Variants in MAP2K6 observed in about 807,000 individuals in gnomAD.
The protein encoded by MAP2K6 is dual specificity mitogen-activated protein kinase kinase 6.
In MAP2K6, 16 loss-of-function variants were observed where a neutral mutation model predicts 53.7. The observed-to-expected ratio is 0.30, with a 90% CI of 0.20 to 0.45. MAP2K6 has a LOEUF of 0.45. Among genes scored for constraint, MAP2K6 ranks in the 20% least tolerant of loss-of-function variants. MAP2K6 has a pLI of 1.00. For missense variants in MAP2K6, 204 were observed against 411.9 expected, an observed-to-expected ratio of 0.50 and a Z score of 4.37; for synonymous variants, 132 against 143.1, an observed-to-expected ratio of 0.92 and a Z score of 0.55.
chr17:69,506,545 G>A (rs1234068320), intron 2 of MAP2K6, among the ~76,000 whole-genome samples: 2 of 152,060 alleles, frequency 1.3e-5, no homozygotes, highest in Non-Finnish European at 2.9e-5. Flanking sequence ...TCACAATAGA[G>A]GTGTTAGAGA....
intron 1 of MAP2K6, 118 bp downstream of exon 1, chr17:69,415,118 C>T (rs1179780892): frequency 3.3e-6 from 3 of 907,870 alleles, no homozygotes; most frequent in African/African-American, 1.7e-5. Flanking sequence ...TTCCACAGCT[C>T]AGTTGCATTT....
At chr17:69,465,876 C>T (rs904265943) in intron 1 of MAP2K6, among the ~76,000 whole-genome samples, 2 of 151,342 alleles carry the variant, frequency 1.3e-5, no homozygotes, top group African/African-American at 2.4e-5. Context: ...GCCTTGGCCT[C>T]CCAAAGTGCT....
At chr17:69,517,023 T>A in intron 3 of MAP2K6, 120 bp downstream of exon 3, 1 of 761,338 alleles carries the variant, frequency 1.3e-6, no homozygotes, top group Non-Finnish European at 2.2e-6. Context: ...AGTTTGCATT[T>A]AAAGGGAAGT....
rs1165141750 is a variant in MAP2K6, at chr17:69,536,147, A to T, written c.914A>T (p.Tyr305Phe). ...AAGAATTCCAAAGAACGGCCTACATACCCAGAGCTAATGGTGAGTATTGTT... is the reference window on the plus strand; with the variant it reads ...AAGAATTCCAAAGAACGGCCTACATTCCCAGAGCTAATGGTGAGTATTGTT... ...LKKNSKERPTYPELMQHPFFT... is the reference protein window; with the variant it reads ...LKKNSKERPTFPELMQHPFFT... Residue 305 changes from tyrosine (Y) to phenylalanine (F), a missense_variant, in exon 11 of 12, where the codon TAC (tyrosine) becomes TTC (phenylalanine). Tyr to Phe is a conservative substitution (Grantham distance 22). This residue lies in a region of MAP2K6 where 47 missense variants were observed against 62.3 expected (regional missense o/e 0.75). Transcript: ENST00000590474. 6.2e-7 allele frequency: 1 copy of T among 1,611,600 alleles called. No homozygotes were observed. The highest frequency in any genetic ancestry group is 8.5e-7 in the Non-Finnish European group (1 of 1,178,612).
chr17:69,485,414 G>T lies in MAP2K6; in HGVS notation c.17-20366G>T, dbSNP rs75164400. On this transcript the variant is annotated intron_variant, in intron 1 of 11. Coordinates refer to ENST00000590474, the MANE Select transcript of MAP2K6 (RefSeq NM_002758.4). ...TTCAGCCTTGCAGAGTTGTTTGCCT[G>T]TTTGAATTTTCTCTTATCTCTATGG... 1.1e-3 allele frequency: 1,007 copies of T among 946,312 alleles called. 6 individuals are homozygous for T. In the African/African-American group the frequency reaches 0.017, roughly 16 times the overall value. The allele number at this position is 946,312 out of a possible 1,614,324, so 58.6% of individuals were successfully genotyped here. A position where few individuals can be genotyped will look rare whatever the true frequency, so the allele number is the denominator to read the frequency against.
intron 1 of MAP2K6, among the ~76,000 whole-genome samples, chr17:69,496,834 A>G (rs1354490544): frequency 6.6e-6 from 1 of 151,878 alleles, no homozygotes; most frequent in African/African-American, 2.4e-5. Context: ...TACTTAATAC[A>G]TCTGACTTGG....
chr17:69,525,240 G>C (rs574429359), intron 9 of MAP2K6, among the ~76,000 whole-genome samples: 1 of 152,104 alleles, frequency 6.6e-6, no homozygotes, highest in African/African-American at 2.4e-5. Context: ...CAGTCACATG[G>C]ACTATCTTCC....
rs140400110 is a variant in MAP2K6, at chr17:69,426,869, A to G, written c.16+11869A>G. Among the ~76,000 whole-genome samples the G allele has an allele frequency of 2.6e-5, 4 of 152,282 alleles. No individual in the cohort carries two copies. The East Asian group carries it at 7.7e-4, about 29-fold the overall frequency. On this transcript the variant is annotated intron_variant, in intron 1 of 11. Transcript: ENST00000590474. Reference sequence around the variant, plus strand: ...TTAAGAGACCTTACTTGTGTTTTCTAAGAACTTCCTTTTTCTTACCAAGAT... The same window carrying G: ...TTAAGAGACCTTACTTGTGTTTTCTGAGAACTTCCTTTTTCTTACCAAGAT...
Position 69,550,684 on chromosome 17 carries a change from G to T in MAP2K6, c.*8931G>T, listed in dbSNP as rs1327447516. The T allele has an allele frequency of 6.6e-6, 1 of 152,162 alleles. No individual in the cohort carries two copies. The highest frequency in any genetic ancestry group is 2.4e-5 in the African/African-American group (1 of 41,424). 9.4% of individuals were successfully genotyped at this position (152,162 alleles called of 1,614,324 possible). A position where few individuals can be genotyped will look rare whatever the true frequency, so the allele number is the denominator to read the frequency against. ...ACCATATTCAGTGGTGCCCCTGAGG[G>T]TCTCTTGTGAACAGAAGGGAAAAAG... On this transcript the variant is annotated 3_prime_UTR_variant, in exon 12 of 12. Coordinates refer to ENST00000590474, the MANE Select transcript of MAP2K6 (RefSeq NM_002758.4).
At chr17:69,453,980 C>A (rs1907316192) in intron 1 of MAP2K6, among the ~76,000 whole-genome samples, 1 of 152,160 alleles carries the variant, frequency 6.6e-6, no homozygotes, top group East Asian at 1.9e-4. Context: ...GCTTTAGATG[C>A]TGGAATAAAG....
chr17:69,492,720 C>G (rs1908798463), intron 1 of MAP2K6, among the ~76,000 whole-genome samples: 1 of 152,190 alleles, frequency 6.6e-6, no homozygotes, highest in African/African-American at 2.4e-5. Context: ...TCCCTCTGCC[C>G]CTCTGTGTAA....
At chr17:69,483,930 T>A (rs1034451037) in intron 1 of MAP2K6, among the ~76,000 whole-genome samples, 16 of 152,062 alleles carry the variant, frequency 1.1e-4, no homozygotes. Flanking sequence ...CCTCCCACCA[T>A]ATACAAAAAC....
intron 1 of MAP2K6, among the ~76,000 whole-genome samples, chr17:69,440,453 C>T (rs927135385): frequency 6.6e-6 from 1 of 152,158 alleles, no homozygotes; most frequent in Non-Finnish European, 1.5e-5. Context: ...ACAGTGGTCC[C>T]CTCTGGCTTC....
At chr17:69,474,304 G>C (rs576491230) in intron 1 of MAP2K6, among the ~76,000 whole-genome samples, 1 of 152,354 alleles carries the variant, frequency 6.6e-6, no homozygotes, top group South Asian at 2.1e-4. Flanking sequence ...TGATGAGGAT[G>C]TCATAGGTTG....
At chr17:69,454,967 G>A (rs139342084) in intron 1 of MAP2K6, among the ~76,000 whole-genome samples, 2 of 151,918 alleles carry the variant, frequency 1.3e-5, no homozygotes, top group African/African-American at 4.8e-5. Flanking sequence ...GCATTTAATA[G>A]GCTAAATTTC....
At chr17:69,436,955 G>T (rs1906663204) in intron 1 of MAP2K6, among the ~76,000 whole-genome samples, 2 of 151,940 alleles carry the variant, frequency 1.3e-5, no homozygotes, top group African/African-American at 4.8e-5. Flanking sequence ...CTCCCAAGTA[G>T]CTGGGACTAC....
At chr17:69,516,271 A>G (rs967850155) in intron 2 of MAP2K6, among the ~76,000 whole-genome samples, 2 of 151,984 alleles carry the variant, frequency 1.3e-5, no homozygotes, top group South Asian at 2.1e-4. Context: ...CAGGCATTAG[A>G]TTCTCATAAG....
chr17:69,514,077 C>G (rs1910014075), intron 2 of MAP2K6, among the ~76,000 whole-genome samples: 1 of 150,602 alleles, frequency 6.6e-6, no homozygotes, highest in African/African-American at 2.5e-5. Context: ...CCACTGCACT[C>G]CAGCCTGGGC....
chr17:69,532,595 T>C (rs1182855642), intron 10 of MAP2K6, among the ~76,000 whole-genome samples: 2 of 152,234 alleles, frequency 1.3e-5, no homozygotes, highest in African/African-American at 4.8e-5. Flanking sequence ...CTACTAAACA[T>C]GGAAAATTTG....
Sources: allele counts gnomAD v4.1 joint callset (sites outside exome capture counted in the v4.1 genomes callset), GRCh38; gene constraint gnomAD v4.1.1; regional missense constraint gnomAD v4.1.1; transcripts MANE v1.5; gene names NCBI Gene and HGNC (gene_info 2026-07-23, HGNC 2026-07-21).